KHDRBS2: variants seen among roughly 807,000 people sequenced by gnomAD.
The protein encoded by KHDRBS2 is KH domain-containing, RNA-binding, signal transduction-associated protein 2.
KHDRBS2 carries 26 observed loss-of-function variants against 44.3 expected under a neutral mutation model. The ratio of observed to expected loss-of-function variants is 0.59; its 90% confidence interval spans 0.43 to 0.81. The LOEUF (loss-of-function observed/expected upper bound fraction) is 0.81. Ranked by LOEUF, KHDRBS2 falls within the 40% of genes least tolerant of loss-of-function variation. The pLI, the probability that KHDRBS2 is intolerant of heterozygous loss-of-function variation, is 0.00. For synonymous variants in KHDRBS2, 194 were observed against 151.1 expected (o/e 1.28, Z -2.08); for missense variants, 476 against 433.1 (o/e 1.10, Z -0.88).
chr6:61,673,194 C>T, the KHDRBS2 span, among the ~76,000 whole-genome samples: 1 of 152,002 alleles, frequency 6.6e-6, no homozygotes, highest in Non-Finnish European at 1.5e-5. Context: ...CTGTTCTGTT[C>T]TATTGATCTA....
intron 7 of KHDRBS2, among the ~76,000 whole-genome samples, chr6:61,706,009 AC>A (rs1179337240): frequency 1.3e-5 from 2 of 151,836 alleles, no homozygotes; most frequent in African/African-American, 4.8e-5. Flanking sequence ...CCAGGGGGCA[AC>A]CCAGTGCCTG....
the KHDRBS2 span, among the ~76,000 whole-genome samples, chr6:61,576,884 C>G: frequency 6.6e-6 from 1 of 152,064 alleles, no homozygotes; most frequent in Non-Finnish European, 1.5e-5. Flanking sequence ...TCTAATTTCA[C>G]CTTTGGAGAA....
chr6:61,901,177 T>G, intron 5 of KHDRBS2, 67 bp downstream of exon 5: 2 of 1,486,204 alleles, frequency 1.3e-6, no homozygotes, highest in Non-Finnish European at 1.8e-6. Context: ...GTGATAATCA[T>G]GACATAAAGC....
chr6:61,893,656 A>T (rs1334089978), intron 6 of KHDRBS2, among the ~76,000 whole-genome samples: 1 of 152,122 alleles, frequency 6.6e-6, no homozygotes, highest in Non-Finnish European at 1.5e-5. Context: ...AAGACAAAAA[A>T]CCAAACACCG....
intron 4 of KHDRBS2, among the ~76,000 whole-genome samples, chr6:61,920,123 CA>C (rs1807796136): frequency 6.6e-6 from 1 of 151,810 alleles, no homozygotes; most frequent in Non-Finnish European, 1.5e-5. Flanking sequence ...TGCCAATTTT[CA>C]GAAATTAAAT....
At chr6:62,035,292 T>C (rs547351134) in intron 3 of KHDRBS2, among the ~76,000 whole-genome samples, 1 of 152,096 alleles carries the variant, frequency 6.6e-6, no homozygotes, top group Admixed American at 6.6e-5. Context: ...TTATACACAA[T>C]GGAGTACTAT....
chr6:62,038,211 T>C (rs1233110260), intron 3 of KHDRBS2, among the ~76,000 whole-genome samples: 2 of 152,056 alleles, frequency 1.3e-5, no homozygotes, highest in Admixed American at 6.6e-5. Flanking sequence ...ATCCCTGGCA[T>C]TTCATTTTCC....
the KHDRBS2 span, among the ~76,000 whole-genome samples, chr6:61,620,413 T>C: frequency 1.4e-4 from 22 of 152,118 alleles, no homozygotes; most frequent in Non-Finnish European, 2.8e-4. Flanking sequence ...AGCCAGAGAG[T>C]ATACAGTTAG....
intron 6 of KHDRBS2, among the ~76,000 whole-genome samples, chr6:61,840,797 G>A (rs1793485900): frequency 1.3e-5 from 2 of 152,048 alleles, no homozygotes; most frequent in Admixed American, 6.6e-5. Flanking sequence ...AATTCTTATC[G>A]TGTTTTTACA....
At chr6:61,798,113 C>T (rs762921778) in intron 6 of KHDRBS2, among the ~76,000 whole-genome samples, 5 of 152,006 alleles carry the variant, frequency 3.3e-5, no homozygotes, top group South Asian at 4.1e-4. Flanking sequence ...ACTGAGAACA[C>T]GTGCTATTTG....
chr6:62,282,055 T>A lies in KHDRBS2; in HGVS notation c.91+3803A>T, dbSNP rs532023753. On this transcript the variant is annotated intron_variant, in intron 1 of 8. Transcript: ENST00000281156. Reference sequence around the variant, plus strand: ...ACTTTAAAGAGTCACAGGAACACTATTTTTTAACCAGAAGCTGTTTTAGAC... The same window carrying A: ...ACTTTAAAGAGTCACAGGAACACTAATTTTTAACCAGAAGCTGTTTTAGAC... Among the ~76,000 whole-genome samples, 6 of 152,320 alleles carry A rather than the reference T, an allele frequency of 3.9e-5. No individual in the cohort carries two copies. The South Asian group carries it at 1.2e-3, about 32-fold the overall frequency.
At chr6:61,827,830 A>T (rs1184075856) in intron 6 of KHDRBS2, among the ~76,000 whole-genome samples, 1 of 151,982 alleles carries the variant, frequency 6.6e-6, no homozygotes, top group African/African-American at 2.4e-5. Context: ...CATCATGAAG[A>T]CCTCACCCTC....
At chr6:61,802,420 G>A (rs1215638003) in intron 6 of KHDRBS2, among the ~76,000 whole-genome samples, 1 of 152,086 alleles carries the variant, frequency 6.6e-6, no homozygotes, top group Non-Finnish European at 1.5e-5. Flanking sequence ...AATCTTAAGG[G>A]CTTTTGCTCA....
the KHDRBS2 span, among the ~76,000 whole-genome samples, chr6:61,638,111 C>T: frequency 0.027 from 4,034 of 152,116 alleles, 171 homozygotes; most frequent in African/African-American, 0.092. Context: ...AATGTCTTCC[C>T]CATCAAGCTA....
At chr6:61,853,642 A>G (rs1009807714) in intron 6 of KHDRBS2, among the ~76,000 whole-genome samples, 6 of 152,218 alleles carry the variant, frequency 3.9e-5, no homozygotes, top group African/African-American at 1.4e-4. Flanking sequence ...TATAATTGCT[A>G]GATACTGTCT....
chr6:62,271,582 T>C (rs1840099089), intron 1 of KHDRBS2, among the ~76,000 whole-genome samples: 1 of 152,132 alleles, frequency 6.6e-6, no homozygotes, highest in African/African-American at 2.4e-5. Flanking sequence ...TCATAGATGA[T>C]GACAGTTCCC....
chr6:62,007,045 C>A (rs1398839300), intron 3 of KHDRBS2, among the ~76,000 whole-genome samples: 1 of 151,988 alleles, frequency 6.6e-6, no homozygotes, highest in Non-Finnish European at 1.5e-5. Context: ...ACATGTAAGA[C>A]AAACTGGACA....
chr6:61,684,517 A>G (rs990505789), intron 8 of KHDRBS2, among the ~76,000 whole-genome samples: 2 of 151,844 alleles, frequency 1.3e-5, no homozygotes, highest in Admixed American at 1.3e-4. Context: ...AAGCCTTCCT[A>G]CGAATTTTAG....
At chr6:61,842,175 A>C (rs1282084699) in intron 6 of KHDRBS2, among the ~76,000 whole-genome samples, 1 of 152,166 alleles carries the variant, frequency 6.6e-6, no homozygotes, top group Admixed American at 6.6e-5. Flanking sequence ...GAAAGCTGCT[A>C]AGGTTCTTTG....
Sources: allele counts gnomAD v4.1 joint callset (sites outside exome capture counted in the v4.1 genomes callset), GRCh38; gene constraint gnomAD v4.1.1; transcripts MANE v1.5; gene names NCBI Gene and HGNC (gene_info 2026-07-23, HGNC 2026-07-21).